Variants in PCDH15 observed in about 807,000 individuals in gnomAD.
PCDH15 encodes protocadherin related 15, also known as protocadherin-15.
A neutral mutation model predicts 178.5 loss-of-function variants in PCDH15; 129 were observed. The observed-to-expected ratio is 0.72, with a 90% CI of 0.63 to 0.84. The LOEUF (loss-of-function observed/expected upper bound fraction) is 0.84, where lower values mean the gene tolerates loss of function less well. PCDH15 is among the 40% of genes least tolerant of loss of function. PCDH15 has a pLI of 0.00. For synonymous variants in PCDH15, 800 were observed against 732.0 expected, an observed-to-expected ratio of 1.09 and a Z score of -1.50; for missense variants, 2,230 against 2,099.9, an observed-to-expected ratio of 1.06 and a Z score of -1.21.
intron 3 of PCDH15, among the ~76,000 whole-genome samples, chr10:54,431,172 A>C (rs545395736): frequency 3.9e-5 from 6 of 152,290 alleles, no homozygotes; most frequent in Non-Finnish European, 7.4e-5. Flanking sequence ...GCTGAATTCT[A>C]CCACACATTT....
chr10:54,135,800 C>T (rs1008482921), intron 14 of PCDH15, among the ~76,000 whole-genome samples: 1 of 152,130 alleles, frequency 6.6e-6, no homozygotes, highest in Non-Finnish European at 1.5e-5. Context: ...TTTGACGCTG[C>T]CCTCAATGAT....
At chr10:53,826,678 G>A (rs529071400) in intron 32 of PCDH15, among the ~76,000 whole-genome samples, 152 of 152,160 alleles carry the variant, frequency 1.0e-3, no homozygotes, top group African/African-American at 3.6e-3. Flanking sequence ...ACAAGCAACT[G>A]TGAGGTCTTT....
intron 9 of PCDH15, among the ~76,000 whole-genome samples, chr10:54,232,581 C>A (rs988892156): frequency 6.6e-6 from 1 of 152,060 alleles, no homozygotes; most frequent in South Asian, 2.1e-4. Flanking sequence ...AAAGTCTACC[C>A]CAATTTTTTA....
chr10:55,224,010 G>A (rs1394849085), intron 1 of PCDH15, among the ~76,000 whole-genome samples: 1 of 151,994 alleles, frequency 6.6e-6, no homozygotes, highest in Non-Finnish European at 1.5e-5. Flanking sequence ...GCAGCACTTT[G>A]GGAGGCTAAG....
intron 2 of PCDH15, among the ~76,000 whole-genome samples, chr10:55,137,913 T>C (rs983785465): frequency 7.2e-5 from 11 of 152,122 alleles, no homozygotes; most frequent in South Asian, 6.2e-4. Context: ...GTAGTAACGA[T>C]TGGTTAAATG....
Position 54,093,689 on chromosome 10 carries a change from T to G in PCDH15, c.1918-3626A>C, listed in dbSNP as rs115114600. ...TGTGTCAGAAACTATATTAAAATTT[T>G]GCATGTCTTGTCTCATTTAAACCTA... is the stretch of plus-strand genomic sequence containing the variant. On this transcript the variant is annotated intron_variant, in intron 15 of 37. Transcript: ENST00000644397. 5.0e-3 allele frequency among the ~76,000 whole-genome samples: 754 copies of G among 152,318 alleles called. 3 individuals are homozygous for G. Among genetic ancestry groups the G allele is most frequent in the African/African-American group, 0.017 (722 of 41,586 alleles).
At chr10:53,930,145 T>G (rs982964881) in intron 25 of PCDH15, among the ~76,000 whole-genome samples, 1 of 152,098 alleles carries the variant, frequency 6.6e-6, no homozygotes, top group Admixed American at 6.5e-5. Context: ...CTCATAATTT[T>G]GAAATAATGT....
chr10:53,878,215 A>AATATATATAT lies in PCDH15; in HGVS notation c.3502-11368_3502-11359dup, dbSNP rs140273411. Among the ~76,000 whole-genome samples the AATATATATAT allele has an allele frequency of 7.6e-4, 97 of 127,434 alleles. No individual in the cohort carries two copies. In the East Asian group the frequency reaches 7.9e-3, roughly 10 times the overall value. The allele number at this position is 127,434 out of a possible 152,430, so 83.6% of individuals were successfully genotyped here. On this transcript the variant is annotated intron_variant, in intron 26 of 37. Coordinates refer to ENST00000644397, the MANE Select transcript of PCDH15 (RefSeq NM_001384140.1). The stretch of plus-strand genomic sequence containing the variant: ...CACACACACACACACACACACTTTG[A>AATATATATAT]ATATATATATATATATATATATATA...
At chr10:53,870,629 T>C (rs924351171) in intron 26 of PCDH15, among the ~76,000 whole-genome samples, 2 of 152,176 alleles carry the variant, frequency 1.3e-5, no homozygotes, top group African/African-American at 4.8e-5. Context: ...AAAATTCCAA[T>C]GGGTGCCATA....
intron 3 of PCDH15, among the ~76,000 whole-genome samples, chr10:54,496,218 T>C (rs909273461): frequency 5.3e-5 from 8 of 152,090 alleles, no homozygotes; most frequent in African/African-American, 1.9e-4. Flanking sequence ...ATTTTTTCAA[T>C]TTAAAATTTC....
intron 20 of PCDH15, among the ~76,000 whole-genome samples, chr10:53,999,662 T>C (rs2092027637): frequency 6.6e-6 from 1 of 152,126 alleles, no homozygotes. Context: ...GAAGGACTGT[T>C]TCTCATAGGT....
Position 55,546,336 on chromosome 10 carries a change from A to G in PCDH15, c.-156+81289T>C, listed in dbSNP as rs1841882200. 6.6e-5 allele frequency among the ~76,000 whole-genome samples: 10 copies of G among 152,310 alleles called. No individual in the cohort carries two copies. The South Asian group carries it at 2.1e-3, about 32-fold the overall frequency. On this transcript the variant is annotated intron_variant, in intron 2 of 5. Coordinates refer to the PCDH15 transcript ENST00000613346. Reference sequence around the variant, plus strand: ...AAATAATACAGTATATTAGTTGTACAGATACTATTTCTCATTGTAAGGTTT... The same window carrying G: ...AAATAATACAGTATATTAGTTGTACGGATACTATTTCTCATTGTAAGGTTT...
At chr10:54,292,600 A>T (rs1304881103) in intron 8 of PCDH15, among the ~76,000 whole-genome samples, 1 of 152,230 alleles carries the variant, frequency 6.6e-6, no homozygotes, top group East Asian at 1.9e-4. Context: ...AAATTCCTTA[A>T]TCTGATAGGC....
At chr10:55,444,671 C>T (rs983369771) in intron 2 of PCDH15, among the ~76,000 whole-genome samples, 3 of 152,004 alleles carry the variant, frequency 2.0e-5, no homozygotes, top group African/African-American at 7.2e-5. Flanking sequence ...GCCAAAACAG[C>T]AAGGAAGAAG....
At chr10:55,387,497 G>C (rs544796296) in intron 2 of PCDH15, among the ~76,000 whole-genome samples, 1 of 152,040 alleles carries the variant, frequency 6.6e-6, no homozygotes, top group Non-Finnish European at 1.5e-5. Flanking sequence ...TGTCAACTGT[G>C]CTACATAACA....
intron 28 of PCDH15, among the ~76,000 whole-genome samples, chr10:53,852,915 C>A (rs1295367529): frequency 3.9e-5 from 6 of 151,940 alleles, no homozygotes; most frequent in African/African-American, 1.5e-4. Context: ...ACAATAAATT[C>A]TTCTATTTAA....
chr10:54,518,765 G>C (rs188644085), intron 3 of PCDH15, among the ~76,000 whole-genome samples: 21 of 152,246 alleles, frequency 1.4e-4, no homozygotes, highest in Admixed American at 3.3e-4. Flanking sequence ...CCAAAAAAGA[G>C]AATTTTAGAC....
intron 2 of PCDH15, among the ~76,000 whole-genome samples, chr10:54,987,760 G>GGATATAAGGATAT: frequency 6.6e-6 from 1 of 150,622 alleles, no homozygotes; most frequent in South Asian, 2.1e-4. Context: ...CTGGATATAA[G>GGATATAAGGATAT]AACTTTTTCA....
intron 3 of PCDH15, among the ~76,000 whole-genome samples, chr10:54,484,206 T>A (rs1166917228): frequency 6.6e-6 from 1 of 151,874 alleles, no homozygotes; most frequent in Non-Finnish European, 1.5e-5. Context: ...TACATACACC[T>A]CTATAATGTG....
Sources: allele counts gnomAD v4.1 joint callset (sites outside exome capture counted in the v4.1 genomes callset), GRCh38; gene constraint gnomAD v4.1.1; transcripts MANE v1.5; gene names NCBI Gene and HGNC (gene_info 2026-07-23, HGNC 2026-07-21).